The following ISM1 variants were observed in gnomAD, a reference collection of about 807,000 sequenced individuals.
ISM1 encodes isthmin 1.
ISM1 carries 25 observed loss-of-function variants against 46.3 expected under a neutral mutation model. The observed-to-expected ratio is 0.54, with a 90% CI of 0.39 to 0.75. The LOEUF (loss-of-function observed/expected upper bound fraction) is 0.75. Among genes scored for constraint, ISM1 ranks in the 30% least tolerant of loss-of-function variants. The pLI is 0.00. For synonymous variants in ISM1, 255 were observed against 256.7 expected (o/e 0.99, Z 0.06); for missense variants, 536 against 625.4 (o/e 0.86, Z 1.52).
At chr20:13,320,642 A>G in the ISM1 span, among the ~76,000 whole-genome samples, 1 of 152,184 alleles carries the variant, frequency 6.6e-6, no homozygotes, top group Non-Finnish European at 1.5e-5. Context: ...TCTCTCATTA[A>G]AAAACAGAAG....
intron 3 of ISM1, among the ~76,000 whole-genome samples, chr20:13,281,734 C>CG (rs2040240213): frequency 6.6e-6 from 1 of 152,248 alleles, no homozygotes; most frequent in South Asian, 2.1e-4. Flanking sequence ...AAAAGATCAG[C>CG]GCCACTGAGT....
intron 5 of ISM1, among the ~76,000 whole-genome samples, chr20:13,298,250 C>T (rs752827241): frequency 6.6e-6 from 1 of 152,110 alleles, no homozygotes; most frequent in Non-Finnish European, 1.5e-5. Flanking sequence ...GGATTACAGG[C>T]GCATGCCACA....
At chr20:13,231,666 T>G (rs1162257196) in intron 1 of ISM1, among the ~76,000 whole-genome samples, 1 of 152,180 alleles carries the variant, frequency 6.6e-6, no homozygotes, top group Non-Finnish European at 1.5e-5. Flanking sequence ...CACATTTTAG[T>G]AAACCCAATC....
downstream of ISM1, among the ~76,000 whole-genome samples, chr20:13,302,543 C>T (rs2040467594): frequency 6.6e-6 from 1 of 152,198 alleles, no homozygotes; most frequent in South Asian, 2.1e-4. Context: ...GCAGTTCACT[C>T]AGTGGGCAGT....
At chr20:13,240,044 CT>C (rs375772425) in intron 1 of ISM1, among the ~76,000 whole-genome samples, 27 of 152,274 alleles carry the variant, frequency 1.8e-4, no homozygotes, top group African/African-American at 6.3e-4. Flanking sequence ...CATGAATTGT[CT>C]CTTTTATTTA....
chr20:13,259,156 G>A (rs748613794), intron 1 of ISM1, among the ~76,000 whole-genome samples: 4 of 151,970 alleles, frequency 2.6e-5, no homozygotes, highest in African/African-American at 9.7e-5. Flanking sequence ...GGTGGTATGC[G>A]CCTGTAGTCC....
intron 3 of ISM1, among the ~76,000 whole-genome samples, 173 bp downstream of exon 3, chr20:13,280,071 AT>A (rs1229168097): frequency 6.6e-6 from 1 of 152,118 alleles, no homozygotes; most frequent in East Asian, 1.9e-4. Context: ...CAGCAGCCAC[AT>A]TTTTCTGGAA....
At chr20:13,317,741 A>C in the ISM1 span, among the ~76,000 whole-genome samples, 1 of 152,170 alleles carries the variant, frequency 6.6e-6, no homozygotes, top group Non-Finnish European at 1.5e-5. Flanking sequence ...ATTCACATGC[A>C]AAACAAATGA....
At chr20:13,274,342 C>T (rs2040150326) in intron 2 of ISM1, among the ~76,000 whole-genome samples, 1 of 152,152 alleles carries the variant, frequency 6.6e-6, no homozygotes, top group Admixed American at 6.5e-5. Context: ...CGGTCCCTGC[C>T]GGCCCCGTCA....
chr20:13,232,148 T>C (rs945672735), intron 1 of ISM1, among the ~76,000 whole-genome samples: 1 of 152,236 alleles, frequency 6.6e-6, no homozygotes, highest in Non-Finnish European at 1.5e-5. Context: ...CATTTTATTA[T>C]TATTTTTTTA....
chr20:13,223,905 A>C (rs1325739315), intron 1 of ISM1, among the ~76,000 whole-genome samples: 1 of 152,200 alleles, frequency 6.6e-6, no homozygotes, highest in African/African-American at 2.4e-5. Flanking sequence ...AGATTACTTT[A>C]TGAGGTGTTT....
At chr20:13,275,163 T>A (rs1327708040) in intron 2 of ISM1, among the ~76,000 whole-genome samples, 1 of 152,216 alleles carries the variant, frequency 6.6e-6, no homozygotes, top group Non-Finnish European at 1.5e-5. Flanking sequence ...AGTATTCATT[T>A]CAACCCATAT....
At chr20:13,238,296 C>A (rs1411169931) in intron 1 of ISM1, among the ~76,000 whole-genome samples, 1 of 152,098 alleles carries the variant, frequency 6.6e-6, no homozygotes, top group Admixed American at 6.5e-5. Context: ...TAGCCCTCTC[C>A]CTAGGCTCTG....
intron 1 of ISM1, among the ~76,000 whole-genome samples, chr20:13,245,060 T>A (rs2039777338): frequency 6.6e-6 from 1 of 152,230 alleles, no homozygotes; most frequent in South Asian, 2.1e-4. Context: ...GGGATTTTAA[T>A]ACCAAAAAGC....
chr20:13,221,829 C>T lies in ISM1; in HGVS notation c.53C>T (p.Thr18Met), dbSNP rs1217988289. 2.7e-6 allele frequency: 4 copies of T among 1,457,590 alleles called. No homozygotes were observed. The highest frequency in any genetic ancestry group is 3.6e-6 in the Non-Finnish European group (4 of 1,110,846). The allele number at this position is 1,457,590 out of a possible 1,614,324, so 90.3% of individuals were successfully genotyped here. The part of the protein sequence containing the change: ...LLLLLGLLLL[T>M]LHITVLRGSG... Reference sequence around the variant, plus strand: ...CTGCTGCTGGGGCTGCTGCTGCTCACGCTGCACATCACCGTGCTGCGCGGC... The same window carrying T: ...CTGCTGCTGGGGCTGCTGCTGCTCATGCTGCACATCACCGTGCTGCGCGGC... Residue 18 changes from threonine (T) to methionine (M), a missense_variant, in exon 1 of 6, where the codon ACG becomes ATG. Thr to Met is a moderately conservative substitution (Grantham distance 81). This residue lies in a region of ISM1 where 367 missense variants were observed against 376.1 expected (regional missense o/e 0.98). Transcript: ENST00000262487.
chr20:13,287,009 G>A (rs118093588), intron 3 of ISM1, among the ~76,000 whole-genome samples: 3,895 of 152,284 alleles, frequency 0.026, 88 homozygotes, highest in Non-Finnish European at 0.037. Context: ...AGAGAGAAAG[G>A]GCGTGGTACC....
intron 1 of ISM1, among the ~76,000 whole-genome samples, chr20:13,227,966 TTTTTTTTTTTC>T (rs1266388032): frequency 2.0e-5 from 3 of 150,682 alleles, no homozygotes; most frequent in Non-Finnish European, 4.4e-5. Context: ...TGCCTTTTTT[TTTTTTTTTTTC>T]TTTTTGAGAT....
At chr20:13,293,502 T>C (rs1288072788) in intron 5 of ISM1, among the ~76,000 whole-genome samples, 1 of 151,352 alleles carries the variant, frequency 6.6e-6, no homozygotes, top group Non-Finnish European at 1.5e-5. Context: ...CAGTCCTGAG[T>C]CTTTTTTTTT....
At chr20:13,239,939 G>C (rs1271139285) in intron 1 of ISM1, among the ~76,000 whole-genome samples, 1 of 152,216 alleles carries the variant, frequency 6.6e-6, no homozygotes, top group Non-Finnish European at 1.5e-5. Flanking sequence ...CTTAGCTAAA[G>C]AGAATTAGAG....
Sources: gnomAD v4.1 joint callset for allele counts (sites outside exome capture counted in the v4.1 genomes callset) on GRCh38, gnomAD v4.1.1 for gene constraint, gnomAD v4.1.1 regional missense constraint, MANE v1.5 for transcripts, NCBI Gene and HGNC (gene_info 2026-07-23, HGNC 2026-07-21) for gene names.